Variants in NBPF9 observed in about 807,000 individuals in gnomAD.
NBPF9 encodes NBPF member 9.
A neutral mutation model predicts 97.8 loss-of-function variants in NBPF9; 91 were observed. That is an observed-to-expected ratio of 0.93 (90% confidence interval 0.79 to 1.11). The LOEUF is 1.11. Among genes scored for constraint, NBPF9 ranks in the 50% least tolerant of loss-of-function variants. The pLI is 0.00. For missense variants in NBPF9, 992 were observed against 939.5 expected, an observed-to-expected ratio of 1.06 and a Z score of -0.73; for synonymous variants, 334 against 359.5, an observed-to-expected ratio of 0.93 and a Z score of 0.80.
At chr1:149,093,333 A>G (rs1308408374) in intron 4 of NBPF9, among the ~76,000 whole-genome samples, 5 of 151,404 alleles carry the variant, frequency 3.3e-5, no homozygotes, top group Admixed American at 1.3e-4. Context: ...ACATTCCATT[A>G]CCCAGGGACG....
chr1:149,087,082 T>G (rs1553658746), intron 5 of NBPF9, among the ~76,000 whole-genome samples: 1 of 152,148 alleles, frequency 6.6e-6, no homozygotes, highest in South Asian at 2.1e-4. Flanking sequence ...GGATATGTAC[T>G]GGTATCTCAT....
chr1:149,074,452 A>G (rs2079679496), intron 12 of NBPF9, among the ~76,000 whole-genome samples: 1 of 151,638 alleles, frequency 6.6e-6, no homozygotes, highest in Admixed American at 6.6e-5. Context: ...AGTTTGTGTT[A>G]ATTTAGAAAC....
intron 7 of NBPF9, among the ~76,000 whole-genome samples, chr1:149,081,168 G>A (rs1377078589): frequency 1.3e-5 from 2 of 152,046 alleles, no homozygotes; most frequent in African/African-American, 4.8e-5. Flanking sequence ...CACCCATGCT[G>A]GAGTGCAATA....
chr1:149,103,168 C>G (rs1553244994), intron 1 of NBPF9, 133 bp downstream of exon 1: 2 of 149,612 alleles, frequency 1.3e-5, no homozygotes, highest in African/African-American at 2.4e-5. Flanking sequence ...CCGGAACACA[C>G]GCCCTCCCAA....
chr1:149,056,647 C>A, intron 28 of NBPF9, 27 bp from the exon 29 acceptor site: 1 of 99,922 alleles, frequency 1.0e-5, no homozygotes, highest in South Asian at 6.7e-5. Flanking sequence ...CATGGACAGA[C>A]ACATTAAGCT....
chr1:149,078,677 G>A (rs1251020819), intron 9 of NBPF9, among the ~76,000 whole-genome samples: 47 of 132,880 alleles, frequency 3.5e-4, no homozygotes, highest in East Asian at 1.7e-3. Context: ...GACAGCCTGG[G>A]AACCTTCATT....
chr1:149,061,812 C>T, intron 22 of NBPF9: 1 of 319,862 alleles, frequency 3.1e-6, no homozygotes, highest in Non-Finnish European at 5.5e-6. Context: ...CCAAATCATA[C>T]TTCTGTGAAT....
intron 5 of NBPF9, among the ~76,000 whole-genome samples, chr1:149,086,864 T>C (rs1448677824): frequency 1.3e-5 from 2 of 152,082 alleles, no homozygotes; most frequent in East Asian, 1.9e-4. Flanking sequence ...GAAACACACA[T>C]ACAGATCATT....
chr1:149,059,908 G>A (rs1648073594), intron 24 of NBPF9, 100 bp from the exon 25 acceptor site: 2 of 468,690 alleles, frequency 4.3e-6, no homozygotes, highest in Non-Finnish European at 7.8e-6. Flanking sequence ...AGGCTCCTCA[G>A]CATAAGAATA....
chr1:149,062,121 C>T lies in NBPF9; in HGVS notation c.2223G>A (p.Gln741=), dbSNP rs782203670. The change falls in exon 22 of 30, where the codon CAG becomes CAA. Residue 741 remains glutamine (Q), a synonymous_variant. Coordinates refer to ENST00000584027, the Ensembl canonical transcript of NBPF9. Reference sequence around the variant, plus strand: ...CCAAGTCAAGAGCCAAGCCAAGGTACTGTTCCTCCAATGAGTAAACAGCAC... The same window carrying T: ...CCAAGTCAAGAGCCAAGCCAAGGTATTGTTCCTCCAATGAGTAAACAGCAC... 5 of 1,161,442 alleles carry T rather than the reference C, an allele frequency of 4.3e-6. 1 individual carries two copies. The South Asian group carries it at 5.0e-5, about 12-fold the overall frequency. 71.9% of individuals were successfully genotyped at this position (1,161,442 alleles called of 1,614,324 possible).
Position 149,059,978 on chromosome 1 carries a change from A to G in NBPF9, c.2477-170T>C, listed in dbSNP as rs1461335587. The G allele has an allele frequency of 2.1e-3, 862 of 411,346 alleles. 53 individuals are homozygous for G. Among genetic ancestry groups the G allele is most frequent in the African/African-American group, 0.02 (690 of 35,304 alleles). 25.5% of individuals were successfully genotyped at this position (411,346 alleles called of 1,614,324 possible). ...AGGCTGGTTATGATAGAAATTCCTC[A>G]GTTTTTCTCCCAGAAACTGTGGGTA... is the stretch of plus-strand genomic sequence containing the variant. On this transcript the variant is annotated intron_variant, in intron 24 of 29. Coordinates refer to ENST00000584027, the Ensembl canonical transcript of NBPF9.
intron 5 of NBPF9, among the ~76,000 whole-genome samples, chr1:149,089,995 C>T (rs1336128653): frequency 2.6e-5 from 4 of 152,248 alleles, no homozygotes; most frequent in South Asian, 4.2e-4. Flanking sequence ...CCACAAGCCT[C>T]AGCCATGCTT....
At chr1:149,089,615 AG>A in intron 5 of NBPF9, among the ~76,000 whole-genome samples, 1 of 152,420 alleles carries the variant, frequency 6.6e-6, no homozygotes, top group Admixed American at 6.5e-5. Flanking sequence ...GGGAAACAAA[AG>A]GAGAATACTA....
At chr1:149,055,719 A>C (rs1559515215) in exon 30 of NBPF9, 1 of 1,611,854 alleles carries the variant, frequency 6.2e-7, no homozygotes, top group South Asian at 1.1e-5. Context: ...TCAAAGTAAA[A>C]AACCTATTGT....
intron 11 of NBPF9, among the ~76,000 whole-genome samples, chr1:149,076,961 A>G (rs1300591567): frequency 2.0e-5 from 3 of 151,090 alleles, no homozygotes; most frequent in African/African-American, 7.3e-5. Flanking sequence ...TGCCTGCCTA[A>G]TTTTTTGTGT....
At chr1:149,089,829 T>A (rs1405437301) in intron 5 of NBPF9, among the ~76,000 whole-genome samples, 1 of 152,290 alleles carries the variant, frequency 6.6e-6, no homozygotes, top group Non-Finnish European at 1.5e-5. Flanking sequence ...TGGTACAGCC[T>A]CGCTCAATTA....
intron 17 of NBPF9, chr1:149,066,018 G>T: frequency 8.2e-6 from 4 of 488,494 alleles, no homozygotes; most frequent in South Asian, 2.2e-5. Context: ...AAATTGGGTT[G>T]AATTTTACAT....
chr1:149,070,320 CAAAAAAAAAAAAAAA>C (rs3979925), intron 16 of NBPF9, among the ~76,000 whole-genome samples: 2 of 47,818 alleles, frequency 4.2e-5, no homozygotes, highest in African/African-American at 1.9e-4. Flanking sequence ...GACTCCATCG[CAAAAAAAAAAAAAAA>C]AAAAAAAAAA....
At position 149,072,717 on chromosome 1, in the gene NBPF9, C is replaced by A. The variant is rs781864440; in HGVS notation, c.1306+1G>T. Reference sequence around the variant, plus strand: ...GTCAACAGGGCCTATGGCCACCTTACCTGGGCTGAGCTTTTGGACAAGGTG... The same window carrying A: ...GTCAACAGGGCCTATGGCCACCTTAACTGGGCTGAGCTTTTGGACAAGGTG... On this transcript the variant is annotated splice_donor_variant, in intron 14 of 29. Transcript: ENST00000584027. LOFTEE classifies it high-confidence loss of function. The A allele has an allele frequency of 6.2e-7, 1 of 1,611,750 alleles. No individual in the cohort carries two copies. The highest frequency in any genetic ancestry group is 8.5e-7 in the Non-Finnish European group (1 of 1,179,710).
Sources: gnomAD v4.1 joint callset for allele counts (sites outside exome capture counted in the v4.1 genomes callset) on GRCh38, gnomAD v4.1.1 for gene constraint, MANE v1.5 for transcripts, NCBI Gene and HGNC (gene_info 2026-07-23, HGNC 2026-07-21) for gene names.